PCLAF: variants seen among roughly 807,000 people sequenced by gnomAD.
PCLAF encodes the protein PCNA-associated factor.
PCLAF carries 12 observed loss-of-function variants against 15.1 expected under a neutral mutation model. That is an observed-to-expected ratio of 0.79 (90% CI 0.51 to 1.29). PCLAF has a LOEUF of 1.29. Ranked by LOEUF, PCLAF falls within the 50% of genes most tolerant of loss-of-function variation. The probability of loss-of-function intolerance (pLI) is 0.00; values close to 1 mark genes in which losing one functional copy is unlikely to be tolerated. For synonymous variants in PCLAF, 33 were observed against 47.1 expected (o/e 0.70, Z 1.22); for missense variants, 116 against 130.9 (o/e 0.89, Z 0.56).
chr15:64,368,415 A>G (rs1763304009), intron 3 of PCLAF, among the ~76,000 whole-genome samples: 1 of 152,180 alleles, frequency 6.6e-6, no homozygotes, highest in South Asian at 2.1e-4. Context: ...CAAATTAACA[A>G]ATGAACATTA....
chr15:64,377,634 T>C (rs1899663338), intron 2 of PCLAF, among the ~76,000 whole-genome samples: 1 of 144,874 alleles, frequency 6.9e-6, no homozygotes, highest in African/African-American at 2.5e-5. Flanking sequence ...CTTACTAAGG[T>C]CATTTAGTTA....
At chr15:64,381,289 C>A (rs1406784329) in intron 1 of PCLAF, 37 bp downstream of exon 1, 5 of 1,602,440 alleles carry the variant, frequency 3.1e-6, no homozygotes, top group East Asian at 2.2e-5. Flanking sequence ...GCCGGGAGGA[C>A]CCCCCCGCCC....
chr15:64,365,846 C>T lies in PCLAF; in HGVS notation c.*184G>A. Reference sequence around the variant, plus strand: ...TTATATTGAATACTAAGCTAAGTTACCATAATTAGTCTTACAAATTCTCAA... The same window carrying T: ...TTATATTGAATACTAAGCTAAGTTATCATAATTAGTCTTACAAATTCTCAA... On this transcript the variant is annotated 3_prime_UTR_variant, in exon 4 of 4. Coordinates refer to ENST00000300035, the MANE Select transcript of PCLAF (RefSeq NM_014736.6). 1.7e-6 allele frequency: 1 copy of T among 602,260 alleles called. No homozygotes were observed. The highest frequency in any genetic ancestry group is 2.0e-5 in the South Asian group (1 of 50,370). 37.3% of individuals were successfully genotyped at this position (602,260 alleles called of 1,614,324 possible). A position where few individuals can be genotyped will look rare whatever the true frequency, so the allele number is the denominator to read the frequency against.
upstream of PCLAF, among the ~76,000 whole-genome samples, chr15:64,384,540 C>T (rs1899896040): frequency 6.6e-6 from 1 of 150,958 alleles, no homozygotes; most frequent in South Asian, 2.1e-4. Flanking sequence ...GTCAGGAGTT[C>T]GAGACCAGCC....
upstream of PCLAF, among the ~76,000 whole-genome samples, chr15:64,384,738 T>TAAAAA (rs760374421): frequency 1.1e-4 from 11 of 103,556 alleles, no homozygotes; most frequent in South Asian, 6.0e-4. Context: ...CAAGAATGTC[T>TAAAAA]AAAAAAAAAA....
chr15:64,384,339 G>A (rs1026247699), upstream of PCLAF, among the ~76,000 whole-genome samples: 1 of 151,982 alleles, frequency 6.6e-6, no homozygotes, highest in Non-Finnish European at 1.5e-5. Context: ...TTACCATGCT[G>A]GCCAGGCTGG....
Sources: gnomAD v4.1 joint callset for allele counts (sites outside exome capture counted in the v4.1 genomes callset) on GRCh38, gnomAD v4.1.1 for gene constraint, MANE v1.5 for transcripts, NCBI Gene and HGNC (gene_info 2026-07-23, HGNC 2026-07-21) for gene names.